Variants in IL17RC observed in about 807,000 individuals in gnomAD.
IL17RC encodes interleukin 17 receptor C.
In IL17RC, 53 loss-of-function variants were observed where a neutral mutation model predicts 86.7. The observed-to-expected ratio is 0.61, with a 90% CI of 0.49 to 0.77. IL17RC has a LOEUF of 0.77. IL17RC is among the 30% of genes least tolerant of loss of function. The pLI is 0.00. For synonymous variants in IL17RC, 439 were observed against 413.1 expected, an observed-to-expected ratio of 1.06 and a Z score of -0.76; for missense variants, 957 against 940.0, an observed-to-expected ratio of 1.02 and a Z score of -0.24.
Position 9,930,216 on chromosome 3 carries a change from C to A in IL17RC, c.1278+67C>A. 2 of 1,597,120 alleles carry A rather than the reference C, an allele frequency of 1.3e-6. No individual in the cohort carries two copies. Among genetic ancestry groups the A allele is most frequent in the Non-Finnish European group, 1.7e-6 (2 of 1,168,066 alleles). On this transcript the variant is annotated intron_variant, in intron 14 of 18. Coordinates refer to ENST00000403601, the MANE Select transcript of IL17RC (RefSeq NM_153460.4). This position sits in a 1 kb window ranked among gnomAD's most constrained non-coding sequence, Gnocchi z 5.8. ...CATCTCACATCTGGCCTCAAATTTT[C>A]ACTCCATCCACCCTGTGCCGGTCTC...
chr3:9,926,119 C>T (rs1327419257), intron 9 of IL17RC, among the ~76,000 whole-genome samples: 1 of 149,450 alleles, frequency 6.7e-6, no homozygotes, highest in East Asian at 2.0e-4. Flanking sequence ...CTGCAACTTC[C>T]GCCTCCCAGG....
Position 9,928,634 on chromosome 3 carries a change from A to T in IL17RC, c.1110+4A>T, listed in dbSNP as rs771879342. 6.2e-7 allele frequency: 1 copy of T among 1,613,676 alleles called. No individual in the cohort carries two copies. Among genetic ancestry groups the T allele is most frequent in the Non-Finnish European group, 8.5e-7 (1 of 1,179,956 alleles). The stretch of plus-strand genomic sequence containing the variant: ...CCACCCTAACCTCTGTGTTCAGGTC[A>T]GAAAGGGGTGCATAGTGCTGGGCTG... On this transcript the variant is annotated splice_donor_region_variant and intron_variant, in intron 12 of 18. Transcript: ENST00000403601.
In IL17RC at chr3:9,930,266, C is replaced by A; in HGVS notation, c.1278+117C>A. On this transcript the variant is annotated intron_variant, in intron 14 of 18. Coordinates refer to ENST00000403601, the MANE Select transcript of IL17RC (RefSeq NM_153460.4). This position sits in a 1 kb window ranked among gnomAD's most constrained non-coding sequence, Gnocchi z 5.8. ...CTGGGAACATGGGGGGTGACTCAGA[C>A]CAGGGCCATATTCAGCGGCATCACC... 1 of 1,534,822 alleles carries A rather than the reference C, an allele frequency of 6.5e-7. No homozygotes were observed. Among genetic ancestry groups the A allele is most frequent in the Non-Finnish European group, 9.0e-7 (1 of 1,116,862 alleles).
chr3:9,918,151 C>A, intron 3 of IL17RC, 76 bp downstream of exon 3: 1 of 1,479,224 alleles, frequency 6.8e-7, no homozygotes, highest in South Asian at 1.3e-5. Flanking sequence ...CAGGGGATCT[C>A]TCAAGCAGTG....
Position 9,917,222 on chromosome 3 carries a change from GCCACCCA to G in IL17RC, c.-92_-86del. The G allele has an allele frequency of 1.0e-6, 1 of 987,120 alleles. No homozygotes were observed. The allele number at this position is 987,120 out of a possible 1,614,324, so 61.1% of individuals were successfully genotyped here. ...AGGCTGAAGAGGGATTCCAGCCCCT[GCCACCCA>G]CAGACACGGGCTGACTGGGGTGTCT... On this transcript the variant is annotated 5_prime_UTR_variant, in exon 1 of 19. Transcript: ENST00000403601.
At position 9,933,603 on chromosome 3, in the gene IL17RC, G is replaced by T; in HGVS notation, c.*10G>T. 1 of 1,571,682 alleles carries T rather than the reference G, an allele frequency of 6.4e-7. No homozygotes were observed. The stretch of plus-strand genomic sequence containing the variant: ...GGGGGACGGGACTTAAATAAAGGCA[G>T]ACGCTGTTTTTCTACCCATGTGGCC... On this transcript the variant is annotated 3_prime_UTR_variant, in exon 19 of 19. Coordinates refer to ENST00000403601, the MANE Select transcript of IL17RC (RefSeq NM_153460.4).
chr3:9,920,588 C>T lies in IL17RC; in HGVS notation c.563C>T (p.Thr188Ile), dbSNP rs2083456064. The change falls in exon 6 of 19, where the codon ACA (threonine) becomes ATA (isoleucine). Residue 188 changes from threonine (T) to isoleucine (I), a missense_variant. Coordinates refer to ENST00000403601, the MANE Select transcript of IL17RC (RefSeq NM_153460.4). The stretch of plus-strand genomic sequence containing the variant: ...AGGTACGAGAAGGAACTCAACCACA[C>T]ACAGCAGCTGCCTGGTAAGTGGACC... Reference protein sequence around the residue: ...QPRYEKELNHTQQLPDCRGLE... With the variant: ...QPRYEKELNHIQQLPDCRGLE... 6.2e-7 allele frequency: 1 copy of T among 1,602,834 alleles called. No homozygotes were observed. The highest frequency in any genetic ancestry group is 1.3e-5 in the African/African-American group (1 of 74,710).
Position 9,924,025 on chromosome 3 carries a change from G to C in IL17RC, c.762+5G>C, listed in dbSNP as rs1390478422. 6.2e-7 allele frequency: 1 copy of C among 1,613,298 alleles called. No homozygotes were observed. The highest frequency in any genetic ancestry group is 1.7e-5 in the Admixed American group (1 of 59,990). ...CCCCGGTGGCACAAAAACCTGGTGAGGCCTCCCCCTTCCCAAGTCCATTCC... is the reference window on the plus strand; with the variant it reads ...CCCCGGTGGCACAAAAACCTGGTGACGCCTCCCCCTTCCCAAGTCCATTCC... On this transcript the variant is annotated splice_donor_5th_base_variant and intron_variant, in intron 8 of 18. Transcript: ENST00000403601.
Position 9,933,262 on chromosome 3 carries a change from C to T in IL17RC, c.1832C>T (p.Ala611Val). ...CACGGCCCGCACGACGCCTTCCGCG[C>T]CTCGCTCAGCTGCGTGCTGCCCGAC... ...GAHGPHDAFR[A>V]SLSCVLPDFL... The change falls in exon 19 of 19, where the codon GCC becomes GTC. Residue 611 changes from alanine (A) to valine (V), a missense_variant. Physicochemically the swap from Ala to Val is moderately conservative, Grantham distance 64. Coordinates refer to ENST00000403601, the MANE Select transcript of IL17RC (RefSeq NM_153460.4). 1 of 1,603,874 alleles carries T rather than the reference C, an allele frequency of 6.2e-7. No individual in the cohort carries two copies. Among genetic ancestry groups the T allele is most frequent in the African/African-American group, 1.3e-5 (1 of 74,700 alleles).
At chr3:9,922,775 T>A (rs185289724) in intron 7 of IL17RC, among the ~76,000 whole-genome samples, 3 of 151,882 alleles carry the variant, frequency 2.0e-5, no homozygotes, top group African/African-American at 2.4e-5. Context: ...CTCATTCTGG[T>A]GAGCAGAGAC....
chr3:9,930,422 A>G lies in IL17RC; in HGVS notation c.1301A>G (p.Tyr434Cys). ...CAGAGGGCAGCTCGCCTTGGAGAGT[A>G]CTTACTACAAGACCTGCAGTCAGGC... ...ASTRAARLGE[Y>C]LLQDLQSGQC... Residue 434 changes from tyrosine (Y) to cysteine (C), a missense_variant, in exon 15 of 19, where the codon TAC becomes TGC. Physicochemically the swap from Tyr to Cys is radical, Grantham distance 194. Transcript: ENST00000403601. This position sits in a 1 kb window ranked among gnomAD's most constrained non-coding sequence, Gnocchi z 5.8. 6.2e-7 allele frequency: 1 copy of G among 1,614,050 alleles called. No individual in the cohort carries two copies. Among genetic ancestry groups the G allele is most frequent in the Non-Finnish European group, 8.5e-7 (1 of 1,180,034 alleles).
intron 1 of IL17RC, 124 bp downstream of exon 1, chr3:9,917,544 G>T (rs769926895): frequency 6.2e-7 from 1 of 1,611,852 alleles, no homozygotes; most frequent in East Asian, 2.2e-5. Flanking sequence ...TCTGTCTGGT[G>T]CTGATGGTAG....
In IL17RC at chr3:9,920,531, G is replaced by T; in HGVS notation, c.506G>T (p.Ser169Ile). 6.2e-7 allele frequency: 1 copy of T among 1,607,880 alleles called. No individual in the cohort carries two copies. Among genetic ancestry groups the T allele is most frequent in the Non-Finnish European group, 8.5e-7 (1 of 1,176,584 alleles). ...VYDCFEAALG[S>I]EVRIWSYTQP... ...GACTGCTTCGAGGCTGCCCTAGGGA[G>T]TGAGGTACGAATCTGGTCCTATACT... Residue 169 changes from serine (S) to isoleucine (I), a missense_variant, in exon 6 of 19, where the codon AGT (serine) becomes ATT (isoleucine). Physicochemically the swap from Ser to Ile is moderately radical, Grantham distance 142. Transcript: ENST00000403601.
intron 8 of IL17RC, 40 bp from the exon 9 acceptor site, chr3:9,924,192 C>A: frequency 6.2e-7 from 1 of 1,613,270 alleles, no homozygotes; most frequent in Non-Finnish European, 8.5e-7. Context: ...TCCTCTTCCT[C>A]CTTATCTTCT....
chr3:9,931,452 T>TACACACACACACACAC (rs1559320584), intron 16 of IL17RC, among the ~76,000 whole-genome samples: 4 of 11,140 alleles, frequency 3.6e-4, no homozygotes, highest in Non-Finnish European at 4.1e-4. Context: ...TTTTATATAT[T>TACACACACACACACAC]TCACACACAC....
rs531776389 is a variant in IL17RC, at chr3:9,923,147, A to G, written c.623-734A>G. 1.1e-4 allele frequency among the ~76,000 whole-genome samples: 16 copies of G among 148,954 alleles called. No homozygotes were observed. The East Asian group carries it at 2.9e-3, about 27-fold the overall frequency. ...AGCCGAGATCACACCACTGCACTCC[A>G]GCCTGGGCGACAGAGCCAGACTCCA... On this transcript the variant is annotated intron_variant, in intron 7 of 18. Transcript: ENST00000403601.
chr3:9,918,236 G>A, intron 3 of IL17RC, 99 bp from the exon 4 acceptor site: 1 of 1,344,512 alleles, frequency 7.4e-7, no homozygotes, highest in South Asian at 1.3e-5. Context: ...CCCAGCCCCT[G>A]CTTCCCAGCA....
chr3:9,918,487 C>T lies in IL17RC; in HGVS notation c.356-13C>T, dbSNP rs1250750199. 10 of 1,612,626 alleles carry T rather than the reference C, an allele frequency of 6.2e-6. No homozygotes were observed. The highest frequency in any genetic ancestry group is 1.7e-5 in the Admixed American group (1 of 60,024). ...CTCCTGGGCCTGACTGACCCCTGCC[C>T]TGTTGCCCACAGCCTCTCTCCAGGC... On this transcript the variant is annotated splice_polypyrimidine_tract_variant and intron_variant, in intron 4 of 18. Coordinates refer to ENST00000403601, the MANE Select transcript of IL17RC (RefSeq NM_153460.4).
intron 9 of IL17RC, among the ~76,000 whole-genome samples, chr3:9,926,454 G>T (rs1196577361): frequency 1.3e-5 from 2 of 152,148 alleles, no homozygotes; most frequent in African/African-American, 4.8e-5. Flanking sequence ...ATTATGAAAT[G>T]AATGAGTGTT....
Sources: gnomAD v4.1 joint callset for allele counts (sites outside exome capture counted in the v4.1 genomes callset) on GRCh38, gnomAD v4.1.1 for gene constraint, Gnocchi (gnomAD v3.1) non-coding constraint, MANE v1.5 for transcripts, NCBI Gene and HGNC (gene_info 2026-07-23, HGNC 2026-07-21) for gene names.